The following NLRP4 variants were observed in gnomAD, a reference collection of about 807,000 sequenced individuals.
The protein encoded by NLRP4 is NACHT, LRR and PYD domains-containing protein 4.
In NLRP4, 44 loss-of-function variants were observed where a neutral mutation model predicts 84.7. That is an observed-to-expected ratio of 0.52 (90% CI 0.41 to 0.67). The LOEUF (loss-of-function observed/expected upper bound fraction) is 0.67. NLRP4 is among the 30% of genes least tolerant of loss of function. The pLI is 0.00. For synonymous variants in NLRP4, 544 were observed against 476.4 expected (o/e 1.14, Z -1.85); for missense variants, 1,260 against 1,219.4 (o/e 1.03, Z -0.50).
intron 5 of NLRP4, among the ~76,000 whole-genome samples, chr19:55,863,303 G>A (rs1213008589): frequency 1.3e-5 from 2 of 152,308 alleles, no homozygotes; most frequent in Non-Finnish European, 1.5e-5. Context: ...TTCTCGCGCT[G>A]CTATAAAGAC....
At chr19:55,842,071 T>C (rs1037195413) in intron 1 of NLRP4, among the ~76,000 whole-genome samples, 12 of 152,342 alleles carry the variant, frequency 7.9e-5, no homozygotes, top group African/African-American at 2.9e-4. Context: ...AAGAGTTGCC[T>C]TTTCTCTGCA....
chr19:55,857,740 T>C lies in NLRP4; in HGVS notation c.347T>C (p.Val116Ala), dbSNP rs764704054. ...KFSRLWSSKSVTEIHLYFEEE... is the reference protein window; with the variant it reads ...KFSRLWSSKSATEIHLYFEEE... ...AGCCGCTTATGGTCCAGCAAGTCTG[T>C]CACTGAGATTCACCTATACTTTGAG... The change falls in exon 3 of 10, where the codon GTC becomes GCC. Residue 116 changes from valine (V) to alanine (A), a missense_variant. Coordinates refer to ENST00000301295, the MANE Select transcript of NLRP4 (RefSeq NM_134444.5). 1 of 1,613,750 alleles carries C rather than the reference T, an allele frequency of 6.2e-7. No individual in the cohort carries two copies.
intron 5 of NLRP4, among the ~76,000 whole-genome samples, chr19:55,864,813 T>C (rs1486770196): frequency 1.3e-5 from 2 of 152,204 alleles, no homozygotes; most frequent in African/African-American, 4.8e-5. Context: ...ATTGTGGTTT[T>C]GATTTGCTTT....
chr19:55,861,675 C>A, intron 4 of NLRP4, 128 bp downstream of exon 4: 1 of 809,680 alleles, frequency 1.2e-6, no homozygotes, highest in South Asian at 1.6e-5. Context: ...TCAACCTCAG[C>A]ACTTACAGAC....
intron 1 of NLRP4, among the ~76,000 whole-genome samples, chr19:55,841,736 G>C (rs986650562): frequency 2.6e-5 from 4 of 152,164 alleles, no homozygotes; most frequent in Admixed American, 2.6e-4. Flanking sequence ...ATGGTGGCAG[G>C]CACCTGTAGT....
chr19:55,855,741 G>A (rs1174009286), intron 2 of NLRP4, among the ~76,000 whole-genome samples: 1 of 152,196 alleles, frequency 6.6e-6, no homozygotes, highest in East Asian at 1.9e-4. Flanking sequence ...TATAAACATC[G>A]TACTAGTTAT....
In NLRP4 at chr19:55,850,108, ACCGTAGCTGCGGTGTAATTT is replaced by A. The variant is rs1568658587; in HGVS notation, c.-65-1903_-65-1884del. Among the ~76,000 whole-genome samples, 40 of 21,764 alleles carry A rather than the reference ACCGTAGCTGCGGTGTAATTT, an allele frequency of 1.8e-3. 3 individuals are homozygous for A. The highest frequency in any genetic ancestry group is 3.8e-3 in the East Asian group (3 of 798). 14.3% of individuals were successfully genotyped at this position (21,764 alleles called of 152,430 possible). A position where few individuals can be genotyped will look rare whatever the true frequency, so the allele number is the denominator to read the frequency against. ...TAATTTCCGTGGCTGCGGTGTAATT[ACCGTAGCTGCGGTGTAATTT>A]CCGTGGCTGCGGTGTAATTTCCGAG... On this transcript the variant is annotated intron_variant, in intron 1 of 9. Transcript: ENST00000301295.
rs1386351521 is a variant in NLRP4 at position 55,877,236 on chromosome 19, G to A, written c.2696+70G>A. ...GACGGAAAATGGATGGGAAGAAAGA[G>A]AAAGATGAAAACTCCAACAGGACCA... On this transcript the variant is annotated intron_variant, in intron 8 of 9. Coordinates refer to ENST00000301295, the MANE Select transcript of NLRP4 (RefSeq NM_134444.5). The A allele has an allele frequency of 5.6e-6, 8 of 1,441,262 alleles. No individual in the cohort carries two copies. The South Asian group carries it at 9.5e-5, about 17-fold the overall frequency. 89.3% of individuals were successfully genotyped at this position (1,441,262 alleles called of 1,614,324 possible).
At chr19:55,849,870 GTGGCCGCGGTGT>G (rs1568657947) in intron 1 of NLRP4, among the ~76,000 whole-genome samples, 9 of 133,694 alleles carry the variant, frequency 6.7e-5, no homozygotes, top group African/African-American at 2.4e-4. Flanking sequence ...TGTAATTTCC[GTGGCCGCGGTGT>G]AATTTCCGTG....
At position 55,859,249 on chromosome 19, in the gene NLRP4, C is replaced by T. The variant is rs528471714; in HGVS notation, c.1856C>T (p.Thr619Met). 4.3e-5 allele frequency: 69 copies of T among 1,590,194 alleles called. No individual in the cohort carries two copies. In the South Asian group the frequency reaches 4.8e-4, roughly 11 times the overall value. ...VFKKEDEHSS[T>M]SDYSLICWHH... is the part of the protein sequence containing the mutation. Reference sequence around the variant, plus strand: ...AAGAAAGAGGATGAACACAGCTCTACGTGAGTCCATCCTATGACTTTTTCT... The same window carrying T: ...AAGAAAGAGGATGAACACAGCTCTATGTGAGTCCATCCTATGACTTTTTCT... Residue 619 changes from threonine (T) to methionine (M), a missense_variant and splice_region_variant, in exon 3 of 10, where the codon ACG becomes ATG. By Grantham distance (81) the Thr-to-Met change is moderately conservative (BLOSUM62 -1). Around this residue, in one of 3 missense-constraint regions of NLRP4, gnomAD observed 544 missense variants for 531.7 expected, o/e 1.02. Transcript: ENST00000301295.
chr19:55,850,598 C>A, intron 1 of NLRP4, among the ~76,000 whole-genome samples: 1 of 97,482 alleles, frequency 1.0e-5, no homozygotes, highest in African/African-American at 7.6e-5. Flanking sequence ...TCCGTGGCTG[C>A]GGTGTAATTT....
rs868847576 is a variant in NLRP4, at chr19:55,856,205, G to T, written c.281-1469G>T. On this transcript the variant is annotated intron_variant, in intron 2 of 9. Transcript: ENST00000301295. ...GATGGGGTTTCACCATGTTGACCAG[G>T]CTGGTCTCGATCTCCTAGCCTGAAG... Among the ~76,000 whole-genome samples the T allele has an allele frequency of 6.6e-5, 10 of 152,180 alleles. No individual in the cohort carries two copies. In the Middle Eastern group the frequency reaches 0.01, roughly 155 times the overall value.
chr19:55,843,121 C>G (rs2122995859), intron 1 of NLRP4, among the ~76,000 whole-genome samples: 1 of 152,212 alleles, frequency 6.6e-6, no homozygotes, highest in South Asian at 2.1e-4. Flanking sequence ...GTTTTGAGCA[C>G]CTTGCATGGT....
intron 2 of NLRP4, among the ~76,000 whole-genome samples, chr19:55,853,035 G>A (rs1447119314): frequency 2.0e-5 from 3 of 152,182 alleles, no homozygotes; most frequent in African/African-American, 7.2e-5. Context: ...GAGGTTGACT[G>A]GTGTAATCAT....
chr19:55,873,469 C>T (rs73935433), intron 7 of NLRP4, among the ~76,000 whole-genome samples: 4,227 of 152,014 alleles, frequency 0.028, 145 homozygotes, highest in African/African-American at 0.079. Flanking sequence ...AGTAATTAAA[C>T]GAACAGATTA....
At chr19:55,874,192 A>G (rs979266698) in intron 7 of NLRP4, among the ~76,000 whole-genome samples, 8 of 152,244 alleles carry the variant, frequency 5.3e-5, no homozygotes, top group African/African-American at 1.9e-4. Flanking sequence ...AATATTTGAA[A>G]GTAATTTTAT....
chr19:55,840,023 T>C lies in NLRP4; in HGVS notation c.-66+3089T>C, dbSNP rs186857370. 2.0e-3 allele frequency among the ~76,000 whole-genome samples: 298 copies of C among 152,270 alleles called. 1 individual carries two copies. The highest frequency in any genetic ancestry group is 9.1e-3 in the South Asian group (44 of 4,830). ...TTCATTTCATTGTCAAATTCTGACT[T>C]AAATTATGATCAGAATATTCTGTGT... On this transcript the variant is annotated intron_variant, in intron 1 of 9. Coordinates refer to ENST00000301295, the MANE Select transcript of NLRP4 (RefSeq NM_134444.5).
At chr19:55,864,530 C>T (rs549657197) in intron 5 of NLRP4, among the ~76,000 whole-genome samples, 132 of 152,300 alleles carry the variant, frequency 8.7e-4, no homozygotes, top group Middle Eastern at 3.4e-3. Context: ...TCTATGAACA[C>T]TCATGTGTGA....
chr19:55,863,043 C>A (rs1025045321), intron 5 of NLRP4, among the ~76,000 whole-genome samples: 1 of 152,168 alleles, frequency 6.6e-6, no homozygotes, highest in Non-Finnish European at 1.5e-5. Flanking sequence ...CTAAAGCATT[C>A]CCAGCAGGTG....
Sources: gnomAD v4.1 joint callset for allele counts (sites outside exome capture counted in the v4.1 genomes callset) on GRCh38, gnomAD v4.1.1 for gene constraint, gnomAD v4.1.1 regional missense constraint, MANE v1.5 for transcripts, NCBI Gene and HGNC (gene_info 2026-07-23, HGNC 2026-07-21) for gene names.